GPC6: variants seen among roughly 807,000 people sequenced by gnomAD.
GPC6 encodes the protein glypican 6.
In GPC6, 14 loss-of-function variants were observed where a neutral mutation model predicts 55.2. The ratio of observed to expected loss-of-function variants is 0.25; its 90% CI spans 0.17 to 0.40. The LOEUF is 0.40. GPC6 is among the 10% of genes least tolerant of loss of function. The probability of loss-of-function intolerance (pLI) is 1.00; values close to 1 mark genes in which losing one functional copy is unlikely to be tolerated. For missense variants in GPC6, 641 were observed against 708.5 expected, an observed-to-expected ratio of 0.90 and a Z score of 1.08; for synonymous variants, 278 against 259.6, an observed-to-expected ratio of 1.07 and a Z score of -0.68.
chr13:93,481,539 G>A (rs9584118), intron 1 of GPC6, among the ~76,000 whole-genome samples: 3,288 of 152,044 alleles, frequency 0.022, 134 homozygotes, highest in African/African-American at 0.075. Flanking sequence ...TCTTATATGA[G>A]TGTTTATAGT....
chr13:93,634,195 T>A (rs1202550943), intron 2 of GPC6, among the ~76,000 whole-genome samples: 3 of 152,184 alleles, frequency 2.0e-5, no homozygotes, highest in Non-Finnish European at 4.4e-5. Context: ...AGAGAGATTT[T>A]AGAATATGAA....
intron 1 of GPC6, among the ~76,000 whole-genome samples, chr13:93,427,176 C>T (rs1877164586): frequency 6.6e-6 from 1 of 152,020 alleles, no homozygotes; most frequent in African/African-American, 2.4e-5. Context: ...AATTTTCTCC[C>T]ATTTTGTAGG....
chr13:93,543,180 T>C (rs990957479), intron 1 of GPC6, among the ~76,000 whole-genome samples: 1 of 152,266 alleles, frequency 6.6e-6, no homozygotes, highest in East Asian at 1.9e-4. Flanking sequence ...TAGCTCTTAT[T>C]ATTTTGAGAT....
intron 2 of GPC6, among the ~76,000 whole-genome samples, chr13:93,685,454 G>T (rs1416339684): frequency 6.6e-6 from 1 of 152,148 alleles, no homozygotes; most frequent in Non-Finnish European, 1.5e-5. Context: ...CTAGTTTTTT[G>T]TATTTTGTTA....
intron 2 of GPC6, among the ~76,000 whole-genome samples, chr13:93,667,735 G>GTTTTTTTTTTTTTTT (rs71126408): frequency 2.8e-4 from 35 of 123,084 alleles, no homozygotes; most frequent in Admixed American, 4.0e-4. Context: ...GCCAGGACTT[G>GTTTTTTTTTTTTTTT]TTTTTTTTTT....
At chr13:93,814,146 CTT>C (rs1174219264) in intron 2 of GPC6, among the ~76,000 whole-genome samples, 3 of 152,040 alleles carry the variant, frequency 2.0e-5, no homozygotes, top group African/African-American at 7.2e-5. Context: ...TACATGGAAA[CTT>C]TTGTTGAGGA....
chr13:94,168,302 C>T (rs1485840921), intron 4 of GPC6, among the ~76,000 whole-genome samples: 1 of 152,164 alleles, frequency 6.6e-6, no homozygotes, highest in South Asian at 2.1e-4. Context: ...CTCGGAGATT[C>T]TATTTGGCTG....
At chr13:93,561,377 T>C (rs1231279721) in intron 2 of GPC6, among the ~76,000 whole-genome samples, 20 of 115,564 alleles carry the variant, frequency 1.7e-4, no homozygotes, top group African/African-American at 6.8e-4. Flanking sequence ...CACATTTATA[T>C]CAATAATTGC....
chr13:93,509,220 T>A (rs1254406989), intron 1 of GPC6, among the ~76,000 whole-genome samples: 2 of 152,210 alleles, frequency 1.3e-5, no homozygotes, highest in African/African-American at 2.4e-5. Context: ...CACCTTCCAA[T>A]GTAAAGATTT....
At chr13:93,324,257 C>T (rs981003920) in intron 1 of GPC6, among the ~76,000 whole-genome samples, 3 of 151,588 alleles carry the variant, frequency 2.0e-5, no homozygotes, top group African/African-American at 7.3e-5. Context: ...CAATTGAACT[C>T]ATGGAGATAG....
chr13:94,091,882 C>G (rs916197326), intron 4 of GPC6, among the ~76,000 whole-genome samples: 2 of 138,516 alleles, frequency 1.4e-5, no homozygotes, highest in Non-Finnish European at 3.1e-5. Flanking sequence ...TCACAGAACT[C>G]GAGATCAAAT....
At chr13:93,764,987 G>C (rs1885068913) in intron 2 of GPC6, among the ~76,000 whole-genome samples, 1 of 151,936 alleles carries the variant, frequency 6.6e-6, no homozygotes, top group Admixed American at 6.6e-5. Context: ...TTTTAGTAGA[G>C]ACAGGGTTTC....
intron 6 of GPC6, among the ~76,000 whole-genome samples, chr13:94,349,092 C>A (rs952863594): frequency 1.3e-5 from 2 of 152,130 alleles, no homozygotes; most frequent in African/African-American, 2.4e-5. Context: ...ACCTGTGGAA[C>A]CTCGAAAAGC....
At chr13:93,535,546 C>T (rs2139418846) in intron 1 of GPC6, among the ~76,000 whole-genome samples, 1 of 152,184 alleles carries the variant, frequency 6.6e-6, no homozygotes, top group Middle Eastern at 3.4e-3. Flanking sequence ...TCAAACTTTA[C>T]ACCTAAATTT....
chr13:93,523,986 T>C (rs74108582), intron 1 of GPC6, among the ~76,000 whole-genome samples: 8,768 of 151,828 alleles, frequency 0.058, 826 homozygotes, highest in African/African-American at 0.2. Context: ...ATTAGAGAGA[T>C]ATCCTCACAT....
At chr13:93,577,481 AATAG>A (rs1468888672) in intron 2 of GPC6, among the ~76,000 whole-genome samples, 1 of 70,118 alleles carries the variant, frequency 1.4e-5, no homozygotes, top group Non-Finnish European at 2.7e-5. Flanking sequence ...GCTGTTCAAA[AATAG>A]ATAGCATTTT....
chr13:94,077,940 T>C (rs1225508366), intron 4 of GPC6, among the ~76,000 whole-genome samples: 3 of 151,842 alleles, frequency 2.0e-5, no homozygotes, highest in Non-Finnish European at 3.0e-5. Flanking sequence ...TAGAACATTC[T>C]ACCCAACAGT....
intron 4 of GPC6, among the ~76,000 whole-genome samples, chr13:94,245,287 G>A (rs549262862): frequency 4.6e-5 from 7 of 151,904 alleles, no homozygotes; most frequent in African/African-American, 1.7e-4. Flanking sequence ...AGCCTGGTGT[G>A]GTGGCTCATG....
intron 1 of GPC6, among the ~76,000 whole-genome samples, chr13:93,475,544 A>C (rs1321102063): frequency 6.6e-6 from 1 of 152,214 alleles, no homozygotes; most frequent in Non-Finnish European, 1.5e-5. Flanking sequence ...GATGCACAGT[A>C]AGATGTTTTG....
Sources: allele counts gnomAD v4.1 joint callset (sites outside exome capture counted in the v4.1 genomes callset), GRCh38; gene constraint gnomAD v4.1.1; transcripts MANE v1.5; gene names NCBI Gene and HGNC (gene_info 2026-07-23, HGNC 2026-07-21).